The following KCTD4 variants were observed in gnomAD, a reference collection of about 807,000 sequenced individuals.
KCTD4 encodes the protein BTB/POZ domain-containing protein KCTD4.
KCTD4 carries 12 observed loss-of-function variants against 18.3 expected under a neutral mutation model. The observed-to-expected ratio is 0.66, with a 90% CI of 0.42 to 1.06. The LOEUF (loss-of-function observed/expected upper bound fraction) is 1.06, where lower values mean the gene tolerates loss of function less well. Ranked by LOEUF, KCTD4 falls within the 50% of genes least tolerant of loss-of-function variation. The pLI, the probability that KCTD4 is intolerant of heterozygous loss-of-function variation, is 0.00. For missense variants in KCTD4, 250 were observed against 303.4 expected, an observed-to-expected ratio of 0.82 and a Z score of 1.31; for synonymous variants, 124 against 110.5, an observed-to-expected ratio of 1.12 and a Z score of -0.76.
intron 1 of KCTD4, among the ~76,000 whole-genome samples, chr13:45,198,127 A>G (rs992818254): frequency 4.6e-5 from 7 of 152,220 alleles, no homozygotes; most frequent in African/African-American, 1.2e-4. Context: ...AGTATATCCT[A>G]TAGTTAATTG....
chr13:45,198,198 A>T (rs908360647), intron 1 of KCTD4, among the ~76,000 whole-genome samples: 1 of 152,244 alleles, frequency 6.6e-6, no homozygotes, highest in Admixed American at 6.5e-5. Context: ...CTAATGTCCT[A>T]CCATCTGCAT....
chr13:45,199,771 A>C (rs1354335136), intron 1 of KCTD4, among the ~76,000 whole-genome samples: 2 of 152,218 alleles, frequency 1.3e-5, no homozygotes, highest in Non-Finnish European at 2.9e-5. Context: ...TAAAGGTAGT[A>C]CAGTTAGGAA....
rs1872790021 is a variant in KCTD4, at chr13:45,194,463, C to T, written c.105G>A (p.Met35Ile). 2 of 1,614,006 alleles carry T rather than the reference C, an allele frequency of 1.2e-6. No individual in the cohort carries two copies. Among genetic ancestry groups the T allele is most frequent in the African/African-American group, 2.7e-5 (2 of 74,934 alleles). ...ATAAATATCCACCAACGTTGAGGGT[C>T]ATCAGTGTGGATTTGCAGTTCTTTC... ...DQGKNCKSTL[M>I]TLNVGGYLYI... The change falls in exon 2 of 2, where the codon ATG (methionine) becomes ATA (isoleucine). Residue 35 changes from methionine to isoleucine, a missense_variant. Met to Ile is a conservative substitution (Grantham distance 10). Coordinates refer to ENST00000379108, the MANE Select transcript of KCTD4 (RefSeq NM_198404.3).
In KCTD4 at chr13:45,194,652, C is replaced by G; in HGVS notation, c.-85G>C. ...ACTACCACACAAGCACGCCTTTATT[C>G]AGCCCCAGCCTGGTGATGGAATGGA... On this transcript the variant is annotated 5_prime_UTR_variant, in exon 2 of 2. Transcript: ENST00000379108. 1 of 1,230,798 alleles carries G rather than the reference C, an allele frequency of 8.1e-7. No individual in the cohort carries two copies. The highest frequency in any genetic ancestry group is 1.1e-6 in the Non-Finnish European group (1 of 872,824). 76.2% of individuals were successfully genotyped at this position (1,230,798 alleles called of 1,614,324 possible).
At position 45,194,267 on chromosome 13, in the gene KCTD4, G is replaced by A. The variant is rs1343152510; in HGVS notation, c.301C>T (p.Pro101Ser). ...NFLRNGELLL[P>S]EGFRENQLLA... ...AGTTGATTTTCTCGAAACCCTTCGG[G>A]CAATAGAAGTTCTCCATTTCGTAGG... Residue 101 changes from proline to serine, a missense_variant, in exon 2 of 2, where the codon CCC (proline) becomes TCC (serine). Coordinates refer to ENST00000379108, the MANE Select transcript of KCTD4 (RefSeq NM_198404.3). 3 of 1,613,978 alleles carry A rather than the reference G, an allele frequency of 1.9e-6. No homozygotes were observed. Among genetic ancestry groups the A allele is most frequent in the Admixed American group, 1.7e-5 (1 of 59,982 alleles).
At position 45,199,161 on chromosome 13, in the gene KCTD4, T is replaced by C. The variant is rs570651603; in HGVS notation, c.-188+1663A>G. Among the ~76,000 whole-genome samples the C allele has an allele frequency of 1.8e-4, 27 of 152,342 alleles. No homozygotes were observed. The East Asian group carries it at 4.2e-3, about 24-fold the overall frequency. On this transcript the variant is annotated intron_variant, in intron 1 of 1. Coordinates refer to ENST00000379108, the MANE Select transcript of KCTD4 (RefSeq NM_198404.3). ...CTCTGGCCACAAGGTCGTGTGAACA[T>C]GTCATTGCAGTCCAAAGAATACAGC...
At chr13:45,197,832 A>G (rs867526278) in intron 1 of KCTD4, among the ~76,000 whole-genome samples, 20 of 152,348 alleles carry the variant, frequency 1.3e-4, no homozygotes, top group South Asian at 6.2e-4. Context: ...TCATGGGACT[A>G]TGTTTCTCTG....
rs1339617724 is a variant in KCTD4, at chr13:45,193,596, C to CACCTAA, written c.*191_*192insTTAGGT. ...TTCATTTTAGGTGGAAGAGTCTGATCAGTAGGAACACCCCAGAGGAAGGAC... is the reference window on the plus strand; with the variant it reads ...TTCATTTTAGGTGGAAGAGTCTGATCACCTAAAGTAGGAACACCCCAGAGGAAGGAC... On this transcript the variant is annotated 3_prime_UTR_variant, in exon 2 of 2. Transcript: ENST00000379108. 1.9e-6 allele frequency: 1 copy of CACCTAA among 533,118 alleles called. No individual in the cohort carries two copies. Among genetic ancestry groups the CACCTAA allele is most frequent in the African/African-American group, 1.9e-5 (1 of 52,906 alleles). 33.0% of individuals were successfully genotyped at this position (533,118 alleles called of 1,614,324 possible). A position where few individuals can be genotyped will look rare whatever the true frequency, so the allele number is the denominator to read the frequency against.
rs753064064 is a variant in KCTD4, at chr13:45,194,046, C to A, written c.522G>T (p.Leu174=). ...FISKIKSRIV[L]VSKSRLDGFP... ...ATCCATCCAGCCTGCTTTTGGACAC[C>A]AGAACAATGCGAGACTTTATTTTTG... The change falls in exon 2 of 2, where the codon CTG becomes CTT. Residue 174 remains leucine, a synonymous_variant. Coordinates refer to ENST00000379108, the MANE Select transcript of KCTD4 (RefSeq NM_198404.3). 6.2e-7 allele frequency: 1 copy of A among 1,614,060 alleles called. No homozygotes were observed. Among genetic ancestry groups the A allele is most frequent in the Non-Finnish European group, 8.5e-7 (1 of 1,179,986 alleles).
intron 1 of KCTD4, among the ~76,000 whole-genome samples, chr13:45,195,847 G>A (rs953744413): frequency 3.9e-5 from 6 of 152,142 alleles, no homozygotes; most frequent in African/African-American, 1.4e-4. Flanking sequence ...GTAGAGACAA[G>A]TTTTTGCCAT....
intron 1 of KCTD4, among the ~76,000 whole-genome samples, chr13:45,197,517 A>AG (rs1872963954): frequency 6.6e-6 from 1 of 151,138 alleles, no homozygotes; most frequent in Admixed American, 6.6e-5. Flanking sequence ...TCCAAAAAAA[A>AG]AAAAAAAAAG....
chr13:45,195,018 G>A (rs1388683849), intron 1 of KCTD4, among the ~76,000 whole-genome samples: 3 of 152,114 alleles, frequency 2.0e-5, no homozygotes, highest in Non-Finnish European at 4.4e-5. Context: ...AATGTATATT[G>A]ATTTAGTGTC....
chr13:45,200,610 A>G (rs1334286966), intron 1 of KCTD4, among the ~76,000 whole-genome samples: 1 of 152,208 alleles, frequency 6.6e-6, no homozygotes, highest in African/African-American at 2.4e-5. Flanking sequence ...CTGAAGATCA[A>G]ATAGAGATCA....
At chr13:45,196,161 GATC>G (rs1872881057) in intron 1 of KCTD4, among the ~76,000 whole-genome samples, 1 of 152,122 alleles carries the variant, frequency 6.6e-6, no homozygotes, top group Non-Finnish European at 1.5e-5. Context: ...GTATTATTGA[GATC>G]AAAAGTTCGT....
In KCTD4 at chr13:45,194,482, T is replaced by C. The variant is rs1872791666; in HGVS notation, c.86A>G (p.Asn29Ser). The change falls in exon 2 of 2, where the codon AAC becomes AGC. Residue 29 changes from asparagine (N) to serine (S), a missense_variant. Physicochemically the swap from Asn to Ser is conservative, Grantham distance 46 (BLOSUM62 1). Coordinates refer to ENST00000379108, the MANE Select transcript of KCTD4 (RefSeq NM_198404.3). ...NSLEDTDQGK[N>S]CKSTLMTLNV... ...GAGGGTCATCAGTGTGGATTTGCAG[T>C]TCTTTCCTTGATCAGTATCTTCCAG... 1 of 1,614,060 alleles carries C rather than the reference T, an allele frequency of 6.2e-7. No individual in the cohort carries two copies. The highest frequency in any genetic ancestry group is 1.3e-5 in the African/African-American group (1 of 74,940).
chr13:45,195,411 A>G (rs1280805336), intron 1 of KCTD4, among the ~76,000 whole-genome samples: 1 of 152,184 alleles, frequency 6.6e-6, no homozygotes, highest in East Asian at 1.9e-4. Flanking sequence ...AGACTTGGAC[A>G]ATTATAGAAA....
chr13:45,197,433 C>T (rs191406354), intron 1 of KCTD4, among the ~76,000 whole-genome samples: 272 of 147,194 alleles, frequency 1.8e-3, no homozygotes, highest in African/African-American at 6.4e-3. Context: ...CGCCTGAGCC[C>T]GGGAGGTGGA....
Position 45,194,458 on chromosome 13 carries a change from A to G in KCTD4, c.110T>C (p.Leu37Pro). ...GKNCKSTLMT[L>P]NVGGYLYITQ... The stretch of plus-strand genomic sequence containing the variant: ...AATGTATAAATATCCACCAACGTTG[A>G]GGGTCATCAGTGTGGATTTGCAGTT... The change falls in exon 2 of 2, where the codon CTC becomes CCC. Residue 37 changes from leucine to proline, a missense_variant. Transcript: ENST00000379108. 6.2e-7 allele frequency: 1 copy of G among 1,614,132 alleles called. No individual in the cohort carries two copies. Among genetic ancestry groups the G allele is most frequent in the Non-Finnish European group, 8.5e-7 (1 of 1,180,000 alleles).
Position 45,194,639 on chromosome 13 carries a change from G to C in KCTD4, c.-72C>G. On this transcript the variant is annotated 5_prime_UTR_variant, in exon 2 of 2. Coordinates refer to ENST00000379108, the MANE Select transcript of KCTD4 (RefSeq NM_198404.3). ...TTTAAAAAGAGACACTACCACACAA[G>C]CACGCCTTTATTCAGCCCCAGCCTG... The C allele has an allele frequency of 7.4e-7, 1 of 1,347,538 alleles. No homozygotes were observed. The highest frequency in any genetic ancestry group is 2.0e-5 in the Admixed American group (1 of 49,548). The allele number at this position is 1,347,538 out of a possible 1,614,324, so 83.5% of individuals were successfully genotyped here. A position where few individuals can be genotyped will look rare whatever the true frequency, so the allele number is the denominator to read the frequency against.
Sources: allele counts gnomAD v4.1 joint callset (sites outside exome capture counted in the v4.1 genomes callset), GRCh38; gene constraint gnomAD v4.1.1; transcripts MANE v1.5; gene names NCBI Gene and HGNC (gene_info 2026-07-23, HGNC 2026-07-21).